SLC15A1: variants seen among roughly 807,000 people sequenced by gnomAD.
SLC15A1 encodes the protein Caco-2 oligopeptide transporter.
A neutral mutation model predicts 92.9 loss-of-function variants in SLC15A1; 83 were observed. The observed-to-expected ratio is 0.89, with a 90% CI of 0.75 to 1.07. The LOEUF (loss-of-function observed/expected upper bound fraction) is 1.07, where lower values mean the gene tolerates loss of function less well. Among genes scored for constraint, SLC15A1 ranks in the 50% least tolerant of loss-of-function variants. The pLI is 0.00. For synonymous variants in SLC15A1, 322 were observed against 318.2 expected, an observed-to-expected ratio of 1.01 and a Z score of -0.13; for missense variants, 857 against 880.1, an observed-to-expected ratio of 0.97 and a Z score of 0.33.
chr13:98,698,510 C>T (rs1458737964), intron 18 of SLC15A1, among the ~76,000 whole-genome samples: 1 of 152,180 alleles, frequency 6.6e-6, no homozygotes, highest in Non-Finnish European at 1.5e-5. Flanking sequence ...AAAACCTTGG[C>T]TCACTGCAGC....
chr13:98,707,891 T>TTTA lies in SLC15A1; in HGVS notation c.1149+794_1149+795insTAA, dbSNP rs1315915894. Among the ~76,000 whole-genome samples, 133 of 106,828 alleles carry TTTA rather than the reference T, an allele frequency of 1.2e-3. 4 individuals are homozygous for TTTA. The highest frequency in any genetic ancestry group is 4.9e-3 in the African/African-American group (125 of 25,318). The allele number at this position is 106,828 out of a possible 152,430, so 70.1% of individuals were successfully genotyped here. A position where few individuals can be genotyped will look rare whatever the true frequency, so the allele number is the denominator to read the frequency against. On this transcript the variant is annotated intron_variant, in intron 15 of 22. Coordinates refer to ENST00000376503, the MANE Select transcript of SLC15A1 (RefSeq NM_005073.4). ...CTAGGCGACAGAGTGAGACCCTGTTTAAAAAAAAAAAAAAAAAAAAAAAAA... is the reference window on the plus strand; with the variant it reads ...CTAGGCGACAGAGTGAGACCCTGTTTTTAAAAAAAAAAAAAAAAAAAAAAAAAA...
chr13:98,688,175 C>T lies in SLC15A1; in HGVS notation c.1683+73G>A, dbSNP rs1169170446. 6 of 980,048 alleles carry T rather than the reference C, an allele frequency of 6.1e-6. 1 individual carries two copies. The South Asian group carries it at 8.7e-5, about 14-fold the overall frequency. 60.7% of individuals were successfully genotyped at this position (980,048 alleles called of 1,614,324 possible). ...TCACTCTAGTTAAATCATATTATGT[C>T]CTAAGTGTTTGTGAGTCTTCATATC... On this transcript the variant is annotated intron_variant, in intron 20 of 22. Coordinates refer to ENST00000376503, the MANE Select transcript of SLC15A1 (RefSeq NM_005073.4).
rs761306515 is a variant in SLC15A1, at chr13:98,721,547, C to G, written c.504G>C (p.Leu168Phe). 4 of 1,609,004 alleles carry G rather than the reference C, an allele frequency of 2.5e-6. No individual in the cohort carries two copies. The South Asian group carries it at 4.4e-5, about 18-fold the overall frequency. ...QRNRFFSIFYLAINAGSLLST... is the reference protein window; with the variant it reads ...QRNRFFSIFYFAINAGSLLST... ...AAAGCAAACTTCCAGCATTAATAGCCAAGTAAAAGATGGAAAAAAATCTGT... is the reference window on the plus strand; with the variant it reads ...AAAGCAAACTTCCAGCATTAATAGCGAAGTAAAAGATGGAAAAAAATCTGT... Residue 168 changes from leucine to phenylalanine, a missense_variant, in exon 7 of 23, where the codon TTG becomes TTC. Leu to Phe is a conservative substitution (Grantham distance 22). Transcript: ENST00000376503.
chr13:98,697,654 C>T (rs1466108819), intron 18 of SLC15A1, among the ~76,000 whole-genome samples: 4 of 147,468 alleles, frequency 2.7e-5, no homozygotes, highest in African/African-American at 1.0e-4. Flanking sequence ...TTAGTCAAGC[C>T]TCCAAAGTTA....
At chr13:98,687,494 G>A (rs2087938201) in intron 21 of SLC15A1, 87 bp downstream of exon 21, 1 of 1,477,976 alleles carries the variant, frequency 6.8e-7, no homozygotes. Context: ...AAAAAATATA[G>A]TTATCCCAGA....
intron 22 of SLC15A1, among the ~76,000 whole-genome samples, chr13:98,685,910 C>T (rs1438469871): frequency 1.3e-5 from 2 of 151,250 alleles, no homozygotes; most frequent in Non-Finnish European, 2.9e-5. Context: ...CACTTGAACC[C>T]GAGAGGCGGA....
At chr13:98,709,118 C>G (rs2088139367) in intron 14 of SLC15A1, among the ~76,000 whole-genome samples, 1 of 152,002 alleles carries the variant, frequency 6.6e-6, no homozygotes. Flanking sequence ...CAGGTGAGTG[C>G]CACCACACCC....
chr13:98,740,708 T>C (rs1201140615), intron 1 of SLC15A1, among the ~76,000 whole-genome samples: 3 of 152,136 alleles, frequency 2.0e-5, no homozygotes, highest in East Asian at 3.9e-4. Flanking sequence ...AAATAAAGCA[T>C]GTGCCACTTC....
intron 14 of SLC15A1, 145 bp from the exon 15 acceptor site, chr13:98,708,912 A>T: frequency 2.1e-6 from 1 of 478,228 alleles, no homozygotes; most frequent in Non-Finnish European, 3.7e-6. Context: ...TTGGTCATGG[A>T]TTCATGAGGA....
At chr13:98,702,604 G>T in intron 17 of SLC15A1, 75 bp from the exon 18 acceptor site, 1 of 1,237,932 alleles carries the variant, frequency 8.1e-7, no homozygotes, top group Non-Finnish European at 1.2e-6. Context: ...GAATATTTCA[G>T]TCTTTGAGAA....
intron 22 of SLC15A1, among the ~76,000 whole-genome samples, chr13:98,685,694 A>G: frequency 6.6e-6 from 1 of 152,196 alleles, no homozygotes; most frequent in Non-Finnish European, 1.5e-5. Context: ...AACAAGTGGG[A>G]ATAAGAAGAA....
intron 18 of SLC15A1, among the ~76,000 whole-genome samples, chr13:98,698,449 C>T (rs962554558): frequency 6.6e-6 from 1 of 152,006 alleles, no homozygotes; most frequent in African/African-American, 2.4e-5. Flanking sequence ...TTTTGTTTTG[C>T]TTTTTTGGAG....
intron 17 of SLC15A1, among the ~76,000 whole-genome samples, chr13:98,702,984 A>G (rs11069325): frequency 0.11 from 15,958 of 140,052 alleles, 1,257 homozygotes; most frequent in East Asian, 0.37. Flanking sequence ...AAAAAAAAAA[A>G]AAAAAAAAAG....
chr13:98,745,820 T>A (rs551776536), intron 1 of SLC15A1, among the ~76,000 whole-genome samples: 1 of 151,094 alleles, frequency 6.6e-6, no homozygotes, highest in African/African-American at 2.4e-5. Context: ...GTACACCATG[T>A]GAGTTTAGGT....
Position 98,721,537 on chromosome 13 carries a change from C to A in SLC15A1, c.514G>T (p.Ala172Ser). 1 of 1,609,904 alleles carries A rather than the reference C, an allele frequency of 6.2e-7. No homozygotes were observed. The change falls in exon 7 of 23, where the codon GCT becomes TCT. Residue 172 changes from alanine to serine, a missense_variant. Physicochemically the swap from Ala to Ser is moderately conservative, Grantham distance 99 (BLOSUM62 1). Transcript: ENST00000376503. ...FFSIFYLAIN[A>S]GSLLSTIITP... is the part of the protein sequence containing the mutation. ...ATGATTGTGGAAAGCAAACTTCCAGCATTAATAGCCAAGTAAAAGATGGAA... is the reference window on the plus strand; with the variant it reads ...ATGATTGTGGAAAGCAAACTTCCAGAATTAATAGCCAAGTAAAAGATGGAA...
At position 98,711,912 on chromosome 13, in the gene SLC15A1, G is replaced by T. The variant is rs369301364; in HGVS notation, c.842C>A (p.Thr281Lys). 5.0e-6 allele frequency: 8 copies of T among 1,613,158 alleles called. No individual in the cohort carries two copies. Among genetic ancestry groups the T allele is most frequent in the Non-Finnish European group, 6.8e-6 (8 of 1,179,920 alleles). ...TGGAATATACAGGAACATCACCCTC[G>T]TAACCATCTTAATTTGGGAGATGAG... ...ERLISQIKMV[T>K]RVMFLYIPLP... The change falls in exon 11 of 23, where the codon ACG (threonine) becomes AAG (lysine). Residue 281 changes from threonine (T) to lysine (K), a missense_variant. Transcript: ENST00000376503.
intron 1 of SLC15A1, among the ~76,000 whole-genome samples, chr13:98,745,853 T>TC (rs995520784): frequency 2.6e-5 from 4 of 151,902 alleles, no homozygotes; most frequent in Admixed American, 6.6e-5. Context: ...TTTTGTTTTT[T>TC]TTTTAACTTG....
At chr13:98,718,555 G>A (rs1471369564) in intron 8 of SLC15A1, among the ~76,000 whole-genome samples, 1 of 152,132 alleles carries the variant, frequency 6.6e-6, no homozygotes, top group South Asian at 2.1e-4. Context: ...TGTGTCTCAT[G>A]CCTGTAATCC....
intron 17 of SLC15A1, among the ~76,000 whole-genome samples, chr13:98,703,773 G>T (rs188135179): frequency 1.3e-5 from 2 of 151,768 alleles, no homozygotes; most frequent in African/African-American, 4.8e-5. Flanking sequence ...GTCCAGGCTA[G>T]GTTTCACAGC....
Sources: allele counts gnomAD v4.1 joint callset (sites outside exome capture counted in the v4.1 genomes callset), GRCh38; gene constraint gnomAD v4.1.1; transcripts MANE v1.5; gene names NCBI Gene and HGNC (gene_info 2026-07-23, HGNC 2026-07-21).